The following ATP13A2 variants were observed in gnomAD, a reference collection of about 807,000 sequenced individuals.
The protein encoded by ATP13A2 is polyamine-transporting ATPase 13A2.
ATP13A2 carries 83 observed loss-of-function variants against 138.3 expected under a neutral mutation model. That is an observed-to-expected ratio of 0.60 (90% CI 0.50 to 0.72). ATP13A2 has a LOEUF of 0.72. ATP13A2 is among the 30% of genes least tolerant of loss of function. ATP13A2 has a pLI of 0.00. For missense variants in ATP13A2, 1,402 were observed against 1,606.4 expected, an observed-to-expected ratio of 0.87 and a Z score of 2.17; for synonymous variants, 663 against 699.0, an observed-to-expected ratio of 0.95 and a Z score of 0.81.
In ATP13A2 at chr1:17,000,158, AGAG is replaced by A; in HGVS notation, c.908-19_908-17del. ...CACTCTTCCTCTGCAGGCAGGCAGG[AGAG>A]GAGCTCAGCTAGGTGGGGCCAGCCC... On this transcript the variant is annotated splice_polypyrimidine_tract_variant and intron_variant, in intron 10 of 28. Coordinates refer to ENST00000326735, the MANE Select transcript of ATP13A2 (RefSeq NM_022089.4). 1 of 1,612,822 alleles carries A rather than the reference AGAG, an allele frequency of 6.2e-7. No homozygotes were observed. Among genetic ancestry groups the A allele is most frequent in the Non-Finnish European group, 8.5e-7 (1 of 1,179,900 alleles).
In ATP13A2 at chr1:16,987,230, C is replaced by T. The variant is rs772870846; in HGVS notation, c.2899G>A (p.Asp967Asn). 10 of 1,613,682 alleles carry T rather than the reference C, an allele frequency of 6.2e-6. No homozygotes were observed. The highest frequency in any genetic ancestry group is 2.7e-5 in the African/African-American group (2 of 74,890). The change falls in exon 26 of 29, where the codon GAC (aspartate) becomes AAC (asparagine). Residue 967 changes from aspartate (D) to asparagine (N), a missense_variant. Physicochemically the swap from Asp to Asn is conservative, Grantham distance 23. Coordinates refer to ENST00000326735, the MANE Select transcript of ATP13A2 (RefSeq NM_022089.4). Reference protein sequence around the residue: ...NLGDLQFLAIDLVITTTVAVL... With the variant: ...NLGDLQFLAINLVITTTVAVL... ...GCCACTGTGGTGGTGATGACCAGGT[C>T]GATGGCCAGGAACTGCAGGTCACCC...
intron 15 of ATP13A2, among the ~76,000 whole-genome samples, 200 bp from the exon 16 acceptor site, chr1:16,994,035 G>A (rs189103189): frequency 2.2e-3 from 335 of 151,964 alleles, no homozygotes; most frequent in Non-Finnish European, 4.1e-3. Flanking sequence ...AGCCCCCACC[G>A]TCTCTCTGTC....
rs777779476 is a variant in ATP13A2, at chr1:16,991,791, T to C, written c.2194A>G (p.Thr732Ala). The C allele has an allele frequency of 2.5e-6, 4 of 1,614,180 alleles. No homozygotes were observed. The Admixed American group carries it at 6.7e-5, about 27-fold the overall frequency. ...CGCAGAGCCTGGATAACTGGCGTTGTCTGCGGCTTCAGTAGGTTCCTCATG... is the reference window on the plus strand; with the variant it reads ...CGCAGAGCCTGGATAACTGGCGTTGCCTGCGGCTTCAGTAGGTTCCTCATG... The part of the protein sequence containing the change: ...LVMRNLLKPQ[T>A]TPVIQALRRT... The change falls in exon 20 of 29, where the codon ACA (threonine) becomes GCA (alanine). Residue 732 changes from threonine to alanine, a missense_variant. Transcript: ENST00000326735.
Position 17,004,520 on chromosome 1 carries a change from CCAGA to C in ATP13A2, c.478-113_478-110del. ...GGGTAGGGGGCAGGGACTGGTGTCACCAGACAGAGAGGTGGGGAGAGGCCTGAAA... is the reference window on the plus strand; with the variant it reads ...GGGTAGGGGGCAGGGACTGGTGTCACCAGAGAGGTGGGGAGAGGCCTGAAA... On this transcript the variant is annotated intron_variant, in intron 5 of 28. Transcript: ENST00000326735. The surrounding 1 kb of genome is among the most constrained non-coding windows in gnomAD (Gnocchi z 4.1). The C allele has an allele frequency of 6.5e-7, 1 of 1,533,274 alleles. No individual in the cohort carries two copies. Among genetic ancestry groups the C allele is most frequent in the Admixed American group, 1.8e-5 (1 of 54,488 alleles). The allele number at this position is 1,533,274 out of a possible 1,614,324, so 95.0% of individuals were successfully genotyped here. A position where few individuals can be genotyped will look rare whatever the true frequency, so the allele number is the denominator to read the frequency against.
Position 16,986,720 on chromosome 1 carries a change from G to A in ATP13A2, c.3235+85C>T. On this transcript the variant is annotated intron_variant, in intron 27 of 28. Transcript: ENST00000326735. The surrounding 1 kb of genome is among the most constrained non-coding windows in gnomAD (Gnocchi z 6.9). ...TGCACGCCAGTCTTCCACTCGGCCG[G>A]CACCTCTCTCCCATCTGCCTCCCCA... 2.5e-6 allele frequency: 4 copies of A among 1,572,306 alleles called. No homozygotes were observed. In the South Asian group the frequency reaches 4.6e-5, roughly 18 times the overall value.
chr1:17,004,761 C>A lies in ATP13A2; in HGVS notation c.408G>T (p.Ala136=). The part of the protein sequence containing the change: ...EDGRSQAAVG[A]VPEGAWKDTA... The stretch of plus-strand genomic sequence containing the variant: ...TATCCTTCCAGGCACCCTCTGGTAC[C>A]GCCCCAACTGCCGCCTGGCTCCGGC... Residue 136 remains alanine (A), a synonymous_variant, in exon 5 of 29, where the codon GCG becomes GCT. Transcript: ENST00000326735. The surrounding 1 kb of genome is among the most constrained non-coding windows in gnomAD (Gnocchi z 4.1). 1.2e-6 allele frequency: 2 copies of A among 1,614,080 alleles called. No individual in the cohort carries two copies. Among genetic ancestry groups the A allele is most frequent in the Non-Finnish European group, 1.7e-6 (2 of 1,180,032 alleles).
In ATP13A2 at chr1:16,996,938, C is replaced by T. The variant is rs56068717; in HGVS notation, c.1195+82G>A. The T allele has an allele frequency of 7.7e-3, 11,846 of 1,535,242 alleles. 673 individuals are homozygous for T. In the African/African-American group the frequency reaches 0.13, roughly 17 times the overall value. On this transcript the variant is annotated intron_variant, in intron 12 of 28. Coordinates refer to ENST00000326735, the MANE Select transcript of ATP13A2 (RefSeq NM_022089.4). Reference sequence around the variant, plus strand: ...GAGGTGGGCGTGGGGTCCAGGGTTCCAGGTCCCACCCTGCCTCACTCCACC... The same window carrying T: ...GAGGTGGGCGTGGGGTCCAGGGTTCTAGGTCCCACCCTGCCTCACTCCACC...
intron 8 of ATP13A2, among the ~76,000 whole-genome samples, chr1:17,001,639 C>T (rs979742957): frequency 2.0e-5 from 3 of 152,188 alleles, no homozygotes; most frequent in Non-Finnish European, 4.4e-5. Flanking sequence ...CCAACTGAAG[C>T]TTGGATTTCT....
chr1:17,004,742 T>C lies in ATP13A2; in HGVS notation c.427A>G (p.Lys143Glu), dbSNP rs772543354. The change falls in exon 5 of 29, where the codon AAG becomes GAG. Residue 143 changes from lysine to glutamate, a missense_variant. Transcript: ENST00000326735. This position sits in a 1 kb window ranked among gnomAD's most constrained non-coding sequence, Gnocchi z 4.1. ...CTCTTGTGGAGCTGGGCCGTATCCT[T>C]CCAGGCACCCTCTGGTACCGCCCCA... ...AVGAVPEGAW[K>E]DTAQLHKSEE... The C allele has an allele frequency of 3.7e-6, 6 of 1,614,082 alleles. No individual in the cohort carries two copies. Among genetic ancestry groups the C allele is most frequent in the Non-Finnish European group, 4.2e-6 (5 of 1,180,008 alleles).
chr1:17,005,615 T>C (rs1471820539), intron 2 of ATP13A2, 59 bp from the exon 3 acceptor site: 9 of 1,613,462 alleles, frequency 5.6e-6, no homozygotes, highest in Non-Finnish European at 7.6e-6. Flanking sequence ...GAGTAGGAAG[T>C]TGGGGTGTCT....
intron 12 of ATP13A2, 161 bp from the exon 13 acceptor site, chr1:16,996,657 G>C: frequency 1.5e-6 from 1 of 657,218 alleles, no homozygotes; most frequent in Non-Finnish European, 2.7e-6. Context: ...CCCGGCTCTT[G>C]TAGGCTTTTT....
At chr1:16,999,341 T>C (rs2077257006) in intron 11 of ATP13A2, among the ~76,000 whole-genome samples, 1 of 122,884 alleles carries the variant, frequency 8.1e-6, no homozygotes, top group African/African-American at 3.2e-5. Flanking sequence ...GATCGCACCA[T>C]GGTACTCCAG....
intron 8 of ATP13A2, 110 bp downstream of exon 8, chr1:17,001,924 G>T: frequency 2.7e-6 from 3 of 1,119,166 alleles, no homozygotes; most frequent in Non-Finnish European, 3.8e-6. Context: ...ATGGAGAAGG[G>T]GACAGCTGGT....
chr1:16,994,526 C>A (rs998489578), intron 15 of ATP13A2, among the ~76,000 whole-genome samples: 1 of 152,088 alleles, frequency 6.6e-6, no homozygotes, highest in Non-Finnish European at 1.5e-5. Context: ...AGCCACCACG[C>A]CCAGCCTCAA....
intron 8 of ATP13A2, chr1:17,000,971 T>C (rs546433578): frequency 1.1e-5 from 2 of 187,488 alleles, no homozygotes; most frequent in Admixed American, 5.3e-5. Context: ...ATAAATAGGA[T>C]AAGGGTATTT....
At position 16,986,791 on chromosome 1, in the gene ATP13A2, G is replaced by A. The variant is rs376397035; in HGVS notation, c.3235+14C>T. The A allele has an allele frequency of 6.8e-5, 110 of 1,610,598 alleles. No homozygotes were observed. Among genetic ancestry groups the A allele is most frequent in the Non-Finnish European group, 8.6e-5 (101 of 1,179,078 alleles). Reference sequence around the variant, plus strand: ...CCCTCCGCCAGCATCTCCCGCCCGCGCCCGCAGTGGCACCATTGGTGTAGA... The same window carrying A: ...CCCTCCGCCAGCATCTCCCGCCCGCACCCGCAGTGGCACCATTGGTGTAGA... On this transcript the variant is annotated intron_variant, in intron 27 of 28. Transcript: ENST00000326735. This position sits in a 1 kb window ranked among gnomAD's most constrained non-coding sequence, Gnocchi z 6.9.
chr1:17,011,873 C>T lies in ATP13A2; in HGVS notation c.-135G>A. On this transcript the variant is annotated 5_prime_UTR_variant, in exon 1 of 29. Transcript: ENST00000326735. This position sits in a 1 kb window ranked among gnomAD's most constrained non-coding sequence, Gnocchi z 7.3. ...GCGCTGGGCTAGCGCGGGGCTGGAG[C>T]AGGGCTGACGCGGGCGGGGCACCTG... The T allele has an allele frequency of 2.1e-5, 18 of 862,264 alleles. No homozygotes were observed. The highest frequency in any genetic ancestry group is 2.4e-5 in the Non-Finnish European group (17 of 708,630). 53.4% of individuals were successfully genotyped at this position (862,264 alleles called of 1,614,324 possible).
At position 17,000,032 on chromosome 1, in the gene ATP13A2, C is replaced by T. The variant is rs961377327; in HGVS notation, c.1018G>A (p.Val340Met). 5.6e-6 allele frequency: 9 copies of T among 1,611,620 alleles called. No homozygotes were observed. The South Asian group carries it at 8.8e-5, about 16-fold the overall frequency. Reference protein sequence around the residue: ...DAALVAGECMVNESSLTGESI... With the variant: ...DAALVAGECMMNESSLTGESI... Reference sequence around the variant, plus strand: ...TCACCTGTCAGAGAGCTCTCATTCACCATGCACTCGCCGGCCACCAGGGCG... The same window carrying T: ...TCACCTGTCAGAGAGCTCTCATTCATCATGCACTCGCCGGCCACCAGGGCG... The change falls in exon 11 of 29, where the codon GTG becomes ATG. Residue 340 changes from valine to methionine, a missense_variant. Val to Met is a conservative substitution (Grantham distance 21). Coordinates refer to ENST00000326735, the MANE Select transcript of ATP13A2 (RefSeq NM_022089.4).
intron 1 of ATP13A2, among the ~76,000 whole-genome samples, chr1:17,010,574 G>C (rs578072091): frequency 1.3e-5 from 2 of 152,192 alleles, no homozygotes; most frequent in Non-Finnish European, 2.9e-5. Flanking sequence ...GCTTGAAAGG[G>C]GAGAAGCTGG....
Sources: allele counts gnomAD v4.1 joint callset (sites outside exome capture counted in the v4.1 genomes callset), GRCh38; gene constraint gnomAD v4.1.1; non-coding constraint Gnocchi (gnomAD v3.1); transcripts MANE v1.5; gene names NCBI Gene and HGNC (gene_info 2026-07-23, HGNC 2026-07-21).